ADGRB3: variants seen among roughly 807,000 people sequenced by gnomAD.
ADGRB3 encodes the protein brain-specific angiogenesis inhibitor 3.
A neutral mutation model predicts 193.4 loss-of-function variants in ADGRB3; 37 were observed. That is an observed-to-expected ratio of 0.19 (90% CI 0.15 to 0.25). The LOEUF is 0.25. ADGRB3 is among the 10% of genes least tolerant of loss of function. ADGRB3 has a pLI of 1.00. For synonymous variants in ADGRB3, 690 were observed against 644.2 expected (o/e 1.07, Z -1.08); for missense variants, 1,637 against 1,852.9 (o/e 0.88, Z 2.14).
chr6:69,093,428 C>T (rs1772773097), intron 17 of ADGRB3, among the ~76,000 whole-genome samples: 1 of 151,158 alleles, frequency 6.6e-6, no homozygotes, highest in South Asian at 2.1e-4. Flanking sequence ...GAGGAATGTG[C>T]AGCCTCAGTT....
At chr6:68,699,798 C>G (rs927883297) in intron 3 of ADGRB3, among the ~76,000 whole-genome samples, 1 of 151,252 alleles carries the variant, frequency 6.6e-6, no homozygotes, top group Non-Finnish European at 1.5e-5. Context: ...ACCTCTTTCC[C>G]TTCACCCAAG....
At chr6:69,361,579 G>C in intron 29 of ADGRB3, 67 bp downstream of exon 29, 2 of 1,485,638 alleles carry the variant, frequency 1.3e-6, no homozygotes, top group South Asian at 1.3e-5. Flanking sequence ...TAGAGATATT[G>C]ATTGATTGGT....
intron 30 of ADGRB3, among the ~76,000 whole-genome samples, chr6:69,378,423 A>G (rs1213251016): frequency 6.6e-6 from 1 of 152,054 alleles, no homozygotes; most frequent in Non-Finnish European, 1.5e-5. Flanking sequence ...CAGCTTGCTC[A>G]CTACTTGTGT....
chr6:68,897,864 A>AAAGAAAG (rs1562076814), intron 3 of ADGRB3, among the ~76,000 whole-genome samples: 1 of 138,304 alleles, frequency 7.2e-6, no homozygotes, highest in African/African-American at 2.6e-5. Flanking sequence ...AACAAAAGAA[A>AAAGAAAG]AAAGAAAGAA....
chr6:69,221,774 A>C (rs1415906239), intron 17 of ADGRB3, among the ~76,000 whole-genome samples: 2 of 152,158 alleles, frequency 1.3e-5, no homozygotes, highest in Non-Finnish European at 2.9e-5. Flanking sequence ...GAAGGTTTCC[A>C]CTGATAATTT....
intron 17 of ADGRB3, among the ~76,000 whole-genome samples, chr6:69,177,615 G>T (rs1002304826): frequency 6.6e-6 from 1 of 152,076 alleles, no homozygotes; most frequent in African/African-American, 2.4e-5. Flanking sequence ...CAAAGTGCTG[G>T]GATTACAGGT....
At chr6:69,260,387 C>T (rs2127272898) in intron 20 of ADGRB3, among the ~76,000 whole-genome samples, 1 of 152,290 alleles carries the variant, frequency 6.6e-6, no homozygotes, top group South Asian at 2.1e-4. Context: ...TACATTTCTT[C>T]AAGCAGTGTG....
At chr6:68,789,940 C>T (rs147426918) in intron 3 of ADGRB3, among the ~76,000 whole-genome samples, 4,154 of 152,242 alleles carry the variant, frequency 0.027, 89 homozygotes, top group African/African-American at 0.054. Flanking sequence ...TCCAGTTGAT[C>T]GCATCGGCTA....
intron 17 of ADGRB3, among the ~76,000 whole-genome samples, chr6:69,205,496 A>G (rs139142926): frequency 1.3e-5 from 2 of 152,120 alleles, no homozygotes; most frequent in Non-Finnish European, 2.9e-5. Context: ...TCAATTTTCT[A>G]TACCTACATC....
In ADGRB3 at chr6:69,344,648, C is replaced by T. The variant is rs139028003; in HGVS notation, c.3459+5144C>T. On this transcript the variant is annotated intron_variant, in intron 26 of 31. Transcript: ENST00000370598. The stretch of plus-strand genomic sequence containing the variant: ...TAGTTCAGATGGAGAGTTACATGAA[C>T]ATCCAGGTTTGACTACTTACAGGGA... Among the ~76,000 whole-genome samples, 139 of 152,266 alleles carry T rather than the reference C, an allele frequency of 9.1e-4. 1 individual carries two copies. The highest frequency in any genetic ancestry group is 8.8e-3 in the Admixed American group (134 of 15,268).
In ADGRB3 at chr6:69,014,118, G is replaced by A; in HGVS notation, c.1998+12G>A. 1.3e-6 allele frequency: 2 copies of A among 1,577,274 alleles called. No individual in the cohort carries two copies. Among genetic ancestry groups the A allele is most frequent in the Non-Finnish European group, 1.7e-6 (2 of 1,159,878 alleles). ...AAGATGCACAACAGGTAAGGTTAGG[G>A]TTATTTCAGAACTTGAAGTTGGCAA... On this transcript the variant is annotated intron_variant, in intron 12 of 31. Transcript: ENST00000370598.
intron 17 of ADGRB3, among the ~76,000 whole-genome samples, chr6:69,139,783 T>C (rs1774272591): frequency 1.3e-5 from 2 of 152,234 alleles, no homozygotes; most frequent in South Asian, 4.1e-4. Context: ...CAGATCTGTC[T>C]GTTGTCTTAA....
chr6:69,292,824 C>A (rs926943668), intron 20 of ADGRB3, among the ~76,000 whole-genome samples: 1 of 152,132 alleles, frequency 6.6e-6, no homozygotes, highest in Non-Finnish European at 1.5e-5. Context: ...ACCCACTAAC[C>A]CGTCATCTAG....
At chr6:68,942,313 C>A (rs1767664193) in intron 5 of ADGRB3, among the ~76,000 whole-genome samples, 1 of 151,974 alleles carries the variant, frequency 6.6e-6, no homozygotes, top group Admixed American at 6.6e-5. Context: ...CTGGGCTTAC[C>A]CTTACCAATG....
chr6:69,203,654 T>G (rs1291045552), intron 17 of ADGRB3, among the ~76,000 whole-genome samples: 1 of 152,140 alleles, frequency 6.6e-6, no homozygotes, highest in Non-Finnish European at 1.5e-5. Flanking sequence ...CACAATACTT[T>G]CTGCTTCCTG....
At chr6:69,002,043 C>T (rs929715873) in intron 11 of ADGRB3, among the ~76,000 whole-genome samples, 3 of 152,098 alleles carry the variant, frequency 2.0e-5, no homozygotes, top group South Asian at 4.1e-4. Flanking sequence ...CTGATACATC[C>T]GCTAGGTTTA....
intron 20 of ADGRB3, among the ~76,000 whole-genome samples, chr6:69,275,493 G>A (rs976265977): frequency 6.6e-6 from 1 of 151,978 alleles, no homozygotes; most frequent in African/African-American, 2.4e-5. Flanking sequence ...TGTTTTGGAG[G>A]AGGCAGTAGC....
At chr6:68,679,083 G>A (rs952506879) in intron 3 of ADGRB3, among the ~76,000 whole-genome samples, 2 of 151,782 alleles carry the variant, frequency 1.3e-5, no homozygotes. Context: ...ATCTATCCTA[G>A]AATTCTCTAA....
chr6:69,080,725 T>A (rs894450618), intron 17 of ADGRB3, among the ~76,000 whole-genome samples: 2 of 151,980 alleles, frequency 1.3e-5, no homozygotes, highest in South Asian at 4.1e-4. Flanking sequence ...AAACTATTTC[T>A]AGAATTTCCT....
Sources: gnomAD v4.1 joint callset for allele counts (sites outside exome capture counted in the v4.1 genomes callset) on GRCh38, gnomAD v4.1.1 for gene constraint, MANE v1.5 for transcripts, NCBI Gene and HGNC (gene_info 2026-07-23, HGNC 2026-07-21) for gene names.